Variants in MYO5A observed in about 807,000 individuals in gnomAD.
MYO5A encodes the protein myosin VA.
MYO5A carries 98 observed loss-of-function variants against 249.7 expected under a neutral mutation model. The ratio of observed to expected loss-of-function variants is 0.39; its 90% confidence interval spans 0.33 to 0.46. MYO5A has a LOEUF of 0.46. Among genes scored for constraint, MYO5A ranks in the 20% least tolerant of loss-of-function variants. The probability of loss-of-function intolerance (pLI) is 0.98; values close to 1 mark genes in which losing one functional copy is unlikely to be tolerated. For synonymous variants in MYO5A, 778 were observed against 810.6 expected (o/e 0.96, Z 0.68); for missense variants, 1,696 against 2,308.8 (o/e 0.73, Z 5.44).
At chr15:52,343,340 C>T in intron 30 of MYO5A, 143 bp from the exon 31 acceptor site, 4 of 730,488 alleles carry the variant, frequency 5.5e-6, no homozygotes, top group Non-Finnish European at 9.6e-6. Flanking sequence ...GACATTACCA[C>T]AAAAATTATT....
chr15:52,491,412 G>T (rs1183384273), intron 1 of MYO5A, among the ~76,000 whole-genome samples: 2 of 152,140 alleles, frequency 1.3e-5, no homozygotes, highest in African/African-American at 4.8e-5. Context: ...TTTTTATAGA[G>T]TCTTTAAAAA....
In MYO5A at chr15:52,346,452, T is replaced by C; in HGVS notation, c.3868A>G (p.Thr1290Ala). The change falls in exon 30 of 42, where the codon ACA (threonine) becomes GCA (alanine). Residue 1290 changes from threonine (T) to alanine (A), a missense_variant. Physicochemically the swap from Thr to Ala is moderately conservative, Grantham distance 58 (BLOSUM62 0). Coordinates refer to ENST00000399233, the MANE Select transcript of MYO5A (RefSeq NM_001382347.1). ...TCTTCCAAAAGTATTGTGGAATCTG[T>C]CATTGTATTCTGAGAGGGAAATAAC... is the stretch of plus-strand genomic sequence containing the variant. ...IQPKDDKNTM[T>A]DSTILLEDVQ... 6.3e-7 allele frequency: 1 copy of C among 1,583,290 alleles called. No individual in the cohort carries two copies. Among genetic ancestry groups the C allele is most frequent in the Non-Finnish European group, 8.7e-7 (1 of 1,152,670 alleles).
intron 1 of MYO5A, among the ~76,000 whole-genome samples, chr15:52,450,271 A>G (rs1461699855): frequency 6.6e-6 from 1 of 152,156 alleles, no homozygotes; most frequent in Non-Finnish European, 1.5e-5. Context: ...TATCATGAAG[A>G]TTAAATCAGT....
intron 1 of MYO5A, among the ~76,000 whole-genome samples, chr15:52,525,917 C>T (rs188241837): frequency 6.6e-6 from 1 of 152,288 alleles, no homozygotes; most frequent in African/African-American, 2.4e-5. Flanking sequence ...AAGAAGCAGA[C>T]TATGAGCGTG....
chr15:52,397,057 T>C, intron 10 of MYO5A, 144 bp downstream of exon 10: 1 of 953,198 alleles, frequency 1.0e-6, no homozygotes, highest in Non-Finnish European at 1.6e-6. Context: ...TGCATCACCA[T>C]CATCAAGGTA....
chr15:52,518,094 A>G (rs2077531743), intron 1 of MYO5A, among the ~76,000 whole-genome samples: 2 of 152,088 alleles, frequency 1.3e-5, no homozygotes, highest in Admixed American at 1.3e-4. Context: ...AGCAGTTTCA[A>G]GGGTTTGTGT....
intron 1 of MYO5A, among the ~76,000 whole-genome samples, chr15:52,456,653 C>G (rs1167127929): frequency 6.6e-6 from 1 of 152,046 alleles, no homozygotes; most frequent in Non-Finnish European, 1.5e-5. Flanking sequence ...ATAGAGAATA[C>G]AGATATAAAT....
At chr15:52,489,689 T>A (rs1284234418) in intron 1 of MYO5A, among the ~76,000 whole-genome samples, 1 of 151,700 alleles carries the variant, frequency 6.6e-6, no homozygotes, top group African/African-American at 2.4e-5. Flanking sequence ...ACCCAGAATA[T>A]ATAAAGAATT....
At position 52,493,202 on chromosome 15, in the gene MYO5A, G is replaced by A. The variant is rs141539071; in HGVS notation, c.27+35578C>T. On this transcript the variant is annotated intron_variant, in intron 1 of 41. Transcript: ENST00000399233. ...GAAGTTTGAGAGTAATTTAATTATAGCCACAGATTAAGTGGCTAGCAAATG... is the reference window on the plus strand; with the variant it reads ...GAAGTTTGAGAGTAATTTAATTATAACCACAGATTAAGTGGCTAGCAAATG... Among the ~76,000 whole-genome samples, 4 of 152,268 alleles carry A rather than the reference G, an allele frequency of 2.6e-5. No homozygotes were observed. In the East Asian group the frequency reaches 7.7e-4, roughly 29 times the overall value.
intron 2 of MYO5A, among the ~76,000 whole-genome samples, chr15:52,431,035 C>T (rs1384557955): frequency 6.8e-6 from 1 of 146,382 alleles, no homozygotes; most frequent in Non-Finnish European, 1.5e-5. Flanking sequence ...AGTTTGAGAC[C>T]CGCCTGGCCA....
intron 6 of MYO5A, among the ~76,000 whole-genome samples, chr15:52,409,525 T>C (rs1381734643): frequency 6.6e-6 from 1 of 152,208 alleles, no homozygotes; most frequent in African/African-American, 2.4e-5. Context: ...AACTTCAGAC[T>C]GCTCAAATTC....
chr15:52,324,865 T>C (rs1185884998), intron 36 of MYO5A, among the ~76,000 whole-genome samples: 1 of 152,188 alleles, frequency 6.6e-6, no homozygotes, highest in Non-Finnish European at 1.5e-5. Flanking sequence ...CCTAACTAAG[T>C]CTTTTCAGCT....
chr15:52,413,578 C>T (rs1167074562), intron 5 of MYO5A, among the ~76,000 whole-genome samples: 1 of 152,136 alleles, frequency 6.6e-6, no homozygotes, highest in Non-Finnish European at 1.5e-5. Flanking sequence ...TATGCCTTTC[C>T]TGACATCTCA....
intron 1 of MYO5A, among the ~76,000 whole-genome samples, chr15:52,459,527 T>A (rs558447043): frequency 3.3e-5 from 5 of 152,214 alleles, no homozygotes; most frequent in Non-Finnish European, 7.3e-5. Flanking sequence ...AGAAGAATTT[T>A]TCCTAGTACA....
At chr15:52,404,992 A>G (rs1784956142) in intron 9 of MYO5A, among the ~76,000 whole-genome samples, 1 of 151,806 alleles carries the variant, frequency 6.6e-6, no homozygotes, top group Non-Finnish European at 1.5e-5. Context: ...GTGGGGCCAC[A>G]TCTGCGTTAT....
intron 8 of MYO5A, among the ~76,000 whole-genome samples, chr15:52,406,349 T>G (rs2043002590): frequency 6.6e-6 from 1 of 152,092 alleles, no homozygotes; most frequent in Non-Finnish European, 1.5e-5. Context: ...ACTGCAAACT[T>G]TGTATGGCTT....
intron 1 of MYO5A, among the ~76,000 whole-genome samples, chr15:52,439,873 C>T (rs527981134): frequency 6.6e-6 from 1 of 152,286 alleles, no homozygotes; most frequent in Admixed American, 6.5e-5. Context: ...AAAATGTAAA[C>T]ACACATCAAA....
chr15:52,430,145 C>A (rs2075494377), intron 2 of MYO5A, among the ~76,000 whole-genome samples: 1 of 152,096 alleles, frequency 6.6e-6, no homozygotes, highest in African/African-American at 2.4e-5. Flanking sequence ...GAAAAATTAA[C>A]AATTTACCAC....
intron 9 of MYO5A, among the ~76,000 whole-genome samples, chr15:52,398,356 T>C (rs2042578698): frequency 6.6e-6 from 1 of 152,224 alleles, no homozygotes; most frequent in Admixed American, 6.5e-5. Flanking sequence ...TAGTACATTA[T>C]ATTTTTCAAC....
Sources: allele counts gnomAD v4.1 joint callset (sites outside exome capture counted in the v4.1 genomes callset), GRCh38; gene constraint gnomAD v4.1.1; transcripts MANE v1.5; gene names NCBI Gene and HGNC (gene_info 2026-07-23, HGNC 2026-07-21).